Variants in ADCY10 observed in about 807,000 individuals in gnomAD.
The protein encoded by ADCY10 is adenylate cyclase 10.
ADCY10 carries 156 observed loss-of-function variants against 183.3 expected under a neutral mutation model. The observed-to-expected ratio is 0.85, with a 90% CI of 0.75 to 0.97. The LOEUF (loss-of-function observed/expected upper bound fraction) is 0.97. ADCY10 is among the 50% of genes least tolerant of loss of function. The probability of loss-of-function intolerance (pLI) is 0.00; values close to 1 mark genes in which losing one functional copy is unlikely to be tolerated. For synonymous variants in ADCY10, 645 were observed against 670.0 expected, an observed-to-expected ratio of 0.96 and a Z score of 0.58; for missense variants, 1,745 against 1,934.3, an observed-to-expected ratio of 0.90 and a Z score of 1.84.
rs1571191233 is a variant in ADCY10 at position 167,809,429 on chromosome 1, G to A, written c.*249C>T. The A allele has an allele frequency of 2.0e-6, 1 of 490,556 alleles. No individual in the cohort carries two copies. The highest frequency in any genetic ancestry group is 2.3e-5 in the South Asian group (1 of 43,090). The allele number at this position is 490,556 out of a possible 1,614,324, so 30.4% of individuals were successfully genotyped here. ...AATATGATACAGTTTTGCATGGGCT[G>A]AAATAAACAGGTCAAGCTAAAACAA... On this transcript the variant is annotated 3_prime_UTR_variant, in exon 33 of 33. Coordinates refer to ENST00000367851, the MANE Select transcript of ADCY10 (RefSeq NM_018417.6).
chr1:167,890,625 T>C (rs970681478), intron 8 of ADCY10, among the ~76,000 whole-genome samples: 1 of 152,184 alleles, frequency 6.6e-6, no homozygotes, highest in African/African-American at 2.4e-5. Context: ...CCAGCCAGGT[T>C]TGTGTCTTTC....
chr1:167,809,871 T>A, intron 32 of ADCY10, 32 bp from the exon 33 acceptor site: 1 of 1,608,054 alleles, frequency 6.2e-7, no homozygotes, highest in East Asian at 2.2e-5. Flanking sequence ...AAAGAAATCA[T>A]TAGTGCTTCT....
At chr1:167,847,073 C>G (rs933342028) in intron 19 of ADCY10, among the ~76,000 whole-genome samples, 26 of 151,608 alleles carry the variant, frequency 1.7e-4, no homozygotes, top group Non-Finnish European at 3.8e-4. Context: ...TTATAGGCAC[C>G]CACCACCATG....
In ADCY10 at chr1:167,903,793, T is replaced by A. The variant is rs995995074; in HGVS notation, c.253+94A>T. 4.3e-5 allele frequency: 38 copies of A among 890,590 alleles called. No homozygotes were observed. The Admixed American group carries it at 6.8e-4, about 16-fold the overall frequency. The allele number at this position is 890,590 out of a possible 1,614,324, so 55.2% of individuals were successfully genotyped here. ...ATTTCATGGGGAAGAGGAGGAGTGC[T>A]AAGCAATTGTACTCTATCAGGTTAT... On this transcript the variant is annotated intron_variant, in intron 3 of 32. Coordinates refer to ENST00000367851, the MANE Select transcript of ADCY10 (RefSeq NM_018417.6).
intron 14 of ADCY10, among the ~76,000 whole-genome samples, chr1:167,865,406 G>C (rs1194357188): frequency 6.6e-6 from 1 of 152,102 alleles, no homozygotes; most frequent in Non-Finnish European, 1.5e-5. Context: ...GCACCAACCT[G>C]CTCTTTAACA....
chr1:167,848,622 C>T, intron 18 of ADCY10, 133 bp from the exon 19 acceptor site: 1 of 1,012,904 alleles, frequency 9.9e-7, no homozygotes, highest in South Asian at 1.4e-5. Context: ...ACCAAATATT[C>T]TGGAAACCTT....
At chr1:167,864,761 T>C (rs923561293) in intron 14 of ADCY10, among the ~76,000 whole-genome samples, 1 of 152,212 alleles carries the variant, frequency 6.6e-6, no homozygotes, top group African/African-American at 2.4e-5. Context: ...AACACTCTAA[T>C]ACCACTTTGT....
chr1:167,813,617 A>G (rs1662351729), intron 31 of ADCY10, among the ~76,000 whole-genome samples: 1 of 152,196 alleles, frequency 6.6e-6, no homozygotes, highest in Non-Finnish European at 1.5e-5. Flanking sequence ...GATCTCAACA[A>G]AGGTAAATAC....
chr1:167,891,197 T>C (rs1023875006), intron 8 of ADCY10, among the ~76,000 whole-genome samples: 2 of 151,902 alleles, frequency 1.3e-5, no homozygotes, highest in Admixed American at 1.3e-4. Flanking sequence ...CCTGACCTGG[T>C]GATCCACCCA....
At chr1:167,825,628 T>A (rs6427108) in intron 26 of ADCY10, among the ~76,000 whole-genome samples, 61,801 of 151,588 alleles carry the variant, frequency 0.41, 12,842 homozygotes, top group Admixed American at 0.46. Flanking sequence ...CAAAAGATTT[T>A]AAAAAAAAGT....
At chr1:167,833,280 A>T (rs1553263347) in intron 24 of ADCY10, 118 bp from the exon 25 acceptor site, 1 of 960,038 alleles carries the variant, frequency 1.0e-6, no homozygotes. Context: ...TTTATGGACC[A>T]GAAACAAAAT....
intron 13 of ADCY10, among the ~76,000 whole-genome samples, chr1:167,874,328 C>T (rs986496409): frequency 1.3e-5 from 2 of 151,926 alleles, no homozygotes; most frequent in Admixed American, 6.6e-5. Context: ...GAGACTCTGT[C>T]TCAAAATAAA....
At chr1:167,840,043 G>C (rs955203121) in intron 21 of ADCY10, among the ~76,000 whole-genome samples, 2 of 142,036 alleles carry the variant, frequency 1.4e-5, no homozygotes, top group South Asian at 2.2e-4. Context: ...AACATGGCAA[G>C]ACCTGTCTAT....
At chr1:167,830,392 A>AG (rs1174941975) in intron 25 of ADCY10, among the ~76,000 whole-genome samples, 1 of 151,998 alleles carries the variant, frequency 6.6e-6, no homozygotes, top group African/African-American at 2.4e-5. Flanking sequence ...CAAAAAAAAA[A>AG]AAAAAGAGGA....
chr1:167,849,243 A>G (rs984375932), intron 18 of ADCY10, among the ~76,000 whole-genome samples: 2 of 152,188 alleles, frequency 1.3e-5, no homozygotes, highest in African/African-American at 2.4e-5. Context: ...GAGGCACTGT[A>G]CTCTAATTAG....
chr1:167,865,432 T>TA (rs1666610948), intron 14 of ADCY10, among the ~76,000 whole-genome samples: 1 of 152,148 alleles, frequency 6.6e-6, no homozygotes, highest in African/African-American at 2.4e-5. Context: ...TATAAAAGGT[T>TA]AAAAAGAGTC....
At position 167,823,109 on chromosome 1, in the gene ADCY10, A is replaced by T. The variant is rs757424656; in HGVS notation, c.4067T>A (p.Ile1356Asn). Residue 1356 changes from isoleucine (I) to asparagine (N), a missense_variant, in exon 29 of 33, where the codon ATC (isoleucine) becomes AAC (asparagine). Transcript: ENST00000367851. ...CTCCCACAGCCGCCCCAGCACCTGGATCAATTGCGGGTATCTATGGAAAAG... is the reference window on the plus strand; with the variant it reads ...CTCCCACAGCCGCCCCAGCACCTGGTTCAATTGCGGGTATCTATGGAAAAG... ...LLLNSRYPQL[I>N]QVLGRLWELS... 2 of 1,614,008 alleles carry T rather than the reference A, an allele frequency of 1.2e-6. No homozygotes were observed. The highest frequency in any genetic ancestry group is 2.7e-5 in the African/African-American group (2 of 74,928).
At chr1:167,839,093 T>C (rs1664437269) in intron 21 of ADCY10, among the ~76,000 whole-genome samples, 1 of 152,244 alleles carries the variant, frequency 6.6e-6, no homozygotes, top group African/African-American at 2.4e-5. Flanking sequence ...CTCCCTTCTA[T>C]TCCTATCCTT....
In ADCY10 at chr1:167,819,966, C is replaced by G. The variant is rs1224136348; in HGVS notation, c.4287-1699G>C. On this transcript the variant is annotated intron_variant, in intron 30 of 32. Transcript: ENST00000367851. ...TCATCTTCATCTGTGCTGTATTCTT[C>G]CATTGTTTTGCCACTAACAAAGTGG... 12 of 1,320,014 alleles carry G rather than the reference C, an allele frequency of 9.1e-6. No individual in the cohort carries two copies. In the South Asian group the frequency reaches 1.2e-4, roughly 13 times the overall value. 81.8% of individuals were successfully genotyped at this position (1,320,014 alleles called of 1,614,324 possible). A position where few individuals can be genotyped will look rare whatever the true frequency, so the allele number is the denominator to read the frequency against.
Sources: allele counts gnomAD v4.1 joint callset (sites outside exome capture counted in the v4.1 genomes callset), GRCh38; gene constraint gnomAD v4.1.1; transcripts MANE v1.5; gene names NCBI Gene and HGNC (gene_info 2026-07-23, HGNC 2026-07-21).